Variants in ELMOD3 observed in about 807,000 individuals in gnomAD.
ELMOD3 encodes ELMO domain-containing protein 3.
Under a neutral mutation model 47.4 loss-of-function variants are expected in ELMOD3, and 36 were observed. The observed-to-expected ratio is 0.76, with a 90% confidence interval of 0.58 to 1.00. ELMOD3 has a LOEUF of 1.00. ELMOD3 is among the 50% of genes least tolerant of loss of function. ELMOD3 has a pLI of 0.00. For synonymous variants in ELMOD3, 149 were observed against 183.5 expected (o/e 0.81, Z 1.52); for missense variants, 404 against 463.8 (o/e 0.87, Z 1.18).
At chr2:85,363,282 A>T (rs1684117143) in intron 6 of ELMOD3, 116 bp downstream of exon 6, 1 of 661,804 alleles carries the variant, frequency 1.5e-6, no homozygotes, top group Non-Finnish European at 2.7e-6. Context: ...AATTTTGTAG[A>T]TGTATCAGTC....
At chr2:85,373,735 A>C (rs1448532028) in intron 10 of ELMOD3, among the ~76,000 whole-genome samples, 1 of 151,618 alleles carries the variant, frequency 6.6e-6, no homozygotes, top group Non-Finnish European at 1.5e-5. Context: ...GCTACGTGGG[A>C]GGCTGAGGCA....
intron 6 of ELMOD3, 87 bp downstream of exon 6, chr2:85,363,253 C>A: frequency 2.7e-6 from 2 of 754,190 alleles, no homozygotes; most frequent in South Asian, 1.5e-5. Flanking sequence ...TTGAATTTCT[C>A]TCACTCCTTG....
intron 6 of ELMOD3, among the ~76,000 whole-genome samples, chr2:85,365,502 T>C (rs1684322406): frequency 6.6e-6 from 1 of 152,108 alleles, no homozygotes; most frequent in Non-Finnish European, 1.5e-5. Flanking sequence ...ATAACCTAAT[T>C]AACGTGAGCT....
At chr2:85,357,440 T>C (rs1406313226) in intron 4 of ELMOD3, 188 bp downstream of exon 4, 8 of 421,476 alleles carry the variant, frequency 1.9e-5, no homozygotes, top group Non-Finnish European at 3.4e-5. Flanking sequence ...GTTTTGTAAG[T>C]GAGTTATGAG....
intron 11 of ELMOD3, chr2:85,387,297 G>A: frequency 2.1e-6 from 2 of 955,546 alleles, no homozygotes; most frequent in Non-Finnish European, 2.6e-6. Context: ...CTTTGCACAT[G>A]TGATCTTAAG....
chr2:85,373,487 G>C (rs1684948350), intron 10 of ELMOD3, among the ~76,000 whole-genome samples: 1 of 152,042 alleles, frequency 6.6e-6, no homozygotes, highest in African/African-American at 2.4e-5. Context: ...AAACCTGCTA[G>C]ACAAATTGTA....
intron 10 of ELMOD3, chr2:85,371,940 G>A (rs983318165): frequency 3.9e-5 from 8 of 206,730 alleles, no homozygotes; most frequent in South Asian, 7.6e-5. Context: ...GGAGGCTGAG[G>A]TAGGTGGATC....
At chr2:85,383,357 G>A (rs546056696) in intron 11 of ELMOD3, among the ~76,000 whole-genome samples, 3 of 151,476 alleles carry the variant, frequency 2.0e-5, no homozygotes, top group South Asian at 2.1e-4. Context: ...CTGGGAGGTC[G>A]AGGTTGCAGT....
chr2:85,357,473 G>T, intron 4 of ELMOD3: 2 of 388,982 alleles, frequency 5.1e-6, no homozygotes, highest in South Asian at 4.5e-5. Context: ...TTTTTGCTTG[G>T]GTAGTGGGGA....
chr2:85,391,001 G>C lies in ELMOD3; in HGVS notation c.*39G>C. 6.5e-7 allele frequency: 1 copy of C among 1,527,828 alleles called. No homozygotes were observed. Among genetic ancestry groups the C allele is most frequent in the Non-Finnish European group, 8.8e-7 (1 of 1,130,272 alleles). 94.6% of individuals were successfully genotyped at this position (1,527,828 alleles called of 1,614,324 possible). On this transcript the variant is annotated 3_prime_UTR_variant, in exon 14 of 14. Transcript: ENST00000409013. ...TGGAGGCTTAAAGGCTGAGCTGCAG[G>C]GGCTTTCAGGGGGTCAGTGGAGCCA...
intron 13 of ELMOD3, 95 bp from the exon 14 acceptor site, chr2:85,390,665 G>C: frequency 6.7e-7 from 1 of 1,500,656 alleles, no homozygotes; most frequent in East Asian, 2.5e-5. Context: ...ATAGGGGTTG[G>C]GGGTACTCCC....
chr2:85,364,825 A>ATT (rs869054374), intron 6 of ELMOD3, among the ~76,000 whole-genome samples: 6,395 of 70,286 alleles, frequency 0.091, 728 homozygotes, highest in Non-Finnish European at 0.13. Flanking sequence ...ATATATATAT[A>ATT]TTTTTTTTTT....
At chr2:85,382,939 G>GAAAAAAAAA (rs58812415) in intron 11 of ELMOD3, among the ~76,000 whole-genome samples, 4 of 118,588 alleles carry the variant, frequency 3.4e-5, no homozygotes, top group Non-Finnish European at 1.8e-5. Flanking sequence ...CCAGAAGCAG[G>GAAAAAAAAA]AAAAAAAAAA....
chr2:85,364,573 A>G (rs1573094211), intron 6 of ELMOD3, among the ~76,000 whole-genome samples: 2 of 143,168 alleles, frequency 1.4e-5, no homozygotes, highest in African/African-American at 5.2e-5. Context: ...GCAAAGCAAG[A>G]CTCCATCTCA....
At position 85,369,847 on chromosome 2, in the gene ELMOD3, G is replaced by T; in HGVS notation, c.360+17G>T. ...CCCTTCAAGGTATGAGGGTAGCAGG[G>T]TTTGGAGTCTCAAGCAAAGTGCCTT... On this transcript the variant is annotated intron_variant, in intron 8 of 13. Transcript: ENST00000409013. 1 of 1,612,892 alleles carries T rather than the reference G, an allele frequency of 6.2e-7. No homozygotes were observed. The highest frequency in any genetic ancestry group is 8.5e-7 in the Non-Finnish European group (1 of 1,179,528).
intron 11 of ELMOD3, among the ~76,000 whole-genome samples, chr2:85,383,696 C>G (rs1167190537): frequency 1.3e-5 from 2 of 152,138 alleles, no homozygotes; most frequent in Non-Finnish European, 2.9e-5. Flanking sequence ...GCAAATTGTT[C>G]TGTTGTTTTG....
chr2:85,382,736 G>A (rs1008125704), intron 11 of ELMOD3, among the ~76,000 whole-genome samples: 5 of 151,918 alleles, frequency 3.3e-5, no homozygotes, highest in African/African-American at 4.8e-5. Flanking sequence ...GGCTGGTCTC[G>A]AACTCTGGAC....
chr2:85,390,685 T>A lies in ELMOD3; in HGVS notation c.944-75T>A, dbSNP rs555796513. 304 of 1,524,604 alleles carry A rather than the reference T, an allele frequency of 2.0e-4. 2 individuals are homozygous for A. In the South Asian group the frequency reaches 3.4e-3, roughly 17 times the overall value. 94.4% of individuals were successfully genotyped at this position (1,524,604 alleles called of 1,614,324 possible). ...GGTTGGGGGTACTCCCTAGAGCTGC[T>A]AGGCTTGAGGCCTTGACTGTTGTGT... On this transcript the variant is annotated intron_variant, in intron 13 of 13. Coordinates refer to ENST00000409013, the MANE Select transcript of ELMOD3 (RefSeq NM_001135022.2).
At chr2:85,364,852 T>C (rs1684266297) in intron 6 of ELMOD3, among the ~76,000 whole-genome samples, 1 of 135,318 alleles carries the variant, frequency 7.4e-6, no homozygotes, top group Non-Finnish European at 1.6e-5. Context: ...TTTTTTTCTT[T>C]CCAGAGACAG....
Sources: allele counts gnomAD v4.1 joint callset (sites outside exome capture counted in the v4.1 genomes callset), GRCh38; gene constraint gnomAD v4.1.1; transcripts MANE v1.5; gene names NCBI Gene and HGNC (gene_info 2026-07-23, HGNC 2026-07-21).